The following HECA variants were observed in gnomAD, a reference collection of about 807,000 sequenced individuals.
HECA encodes the protein headcase protein homolog.
HECA carries 13 observed loss-of-function variants against 37.6 expected under a neutral mutation model. The observed-to-expected ratio is 0.35, with a 90% CI of 0.23 to 0.55. The LOEUF is 0.55. Ranked by LOEUF, HECA falls within the 20% of genes least tolerant of loss-of-function variation. The pLI, the probability that HECA is intolerant of heterozygous loss-of-function variation, is 0.90. For missense variants in HECA, 527 were observed against 701.9 expected (o/e 0.75, Z 2.82); for synonymous variants, 307 against 291.5 (o/e 1.05, Z -0.54).
In HECA at chr6:139,177,203, A is replaced by G; in HGVS notation, c.*98A>G. On this transcript the variant is annotated 3_prime_UTR_variant, in exon 4 of 4. Coordinates refer to ENST00000367658, the MANE Select transcript of HECA (RefSeq NM_016217.3). The surrounding 1 kb of genome is among the most constrained non-coding windows in gnomAD (Gnocchi z 4.9). ...TTCTGTGACATTAATTTCCTTTCTA[A>G]TTTAAAGGAGAGTTACTTTGTTGTA... 3.1e-6 allele frequency: 2 copies of G among 647,008 alleles called. No homozygotes were observed. Among genetic ancestry groups the G allele is most frequent in the South Asian group, 4.2e-5 (2 of 47,122 alleles). The allele number at this position is 647,008 out of a possible 1,614,324, so 40.1% of individuals were successfully genotyped here. A position where few individuals can be genotyped will look rare whatever the true frequency, so the allele number is the denominator to read the frequency against.
At chr6:139,136,847 G>A (rs1774454113) in intron 1 of HECA, among the ~76,000 whole-genome samples, 1 of 152,024 alleles carries the variant, frequency 6.6e-6, no homozygotes, top group Non-Finnish European at 1.5e-5. Flanking sequence ...TATTGGTCAG[G>A]CTGGTCTCGA....
chr6:139,166,497 AC>A lies in HECA; in HGVS notation c.486del (p.Asn162LysfsTer24). On this transcript the variant is annotated frameshift_variant, in exon 2 of 4. Coordinates refer to ENST00000367658, the MANE Select transcript of HECA (RefSeq NM_016217.3). LOFTEE classifies it high-confidence loss of function. ...TGGAACGAGAAGCAATGCCGCCAGAACATGTGGACAAAGAAGGGCTACGACC... is the reference window on the plus strand; with the variant it reads ...TGGAACGAGAAGCAATGCCGCCAGAAATGTGGACAAAGAAGGGCTACGACC... ...RSWNEKQCRQ[N>X]MWTKKGYDLA... 6.2e-7 allele frequency: 1 copy of A among 1,614,182 alleles called. No individual in the cohort carries two copies. The highest frequency in any genetic ancestry group is 8.5e-7 in the Non-Finnish European group (1 of 1,180,002).
chr6:139,178,501 T>TC lies in HECA; in HGVS notation c.*1396_*1397insC, dbSNP rs1219590465. 6.8e-6 allele frequency: 1 copy of TC among 146,486 alleles called. No homozygotes were observed. Among genetic ancestry groups the TC allele is most frequent in the East Asian group, 1.9e-4 (1 of 5,164 alleles). 9.1% of individuals were successfully genotyped at this position (146,486 alleles called of 1,614,324 possible). On this transcript the variant is annotated 3_prime_UTR_variant, in exon 4 of 4. Coordinates refer to ENST00000367658, the MANE Select transcript of HECA (RefSeq NM_016217.3). ...TATGTTACTCATTTGGTTTATACTT[T>TC]TTTTTTTTTTTTTTTAACTGTGTGG... is the stretch of plus-strand genomic sequence containing the variant.
At position 139,141,061 on chromosome 6, in the gene HECA, A is replaced by T. The variant is rs532745757; in HGVS notation, c.271+5394A>T. Among the ~76,000 whole-genome samples the T allele has an allele frequency of 2.0e-5, 3 of 152,290 alleles. No homozygotes were observed. The South Asian group carries it at 6.2e-4, about 32-fold the overall frequency. On this transcript the variant is annotated intron_variant, in intron 1 of 3. Transcript: ENST00000367658. ...CACCTCGGCCTCCCAAAGTGCTGAG[A>T]TTACAGGCGTGAGCCAGCGCGCCCG...
At chr6:139,143,567 A>G (rs1327558247) in intron 1 of HECA, among the ~76,000 whole-genome samples, 3 of 152,174 alleles carry the variant, frequency 2.0e-5, no homozygotes, top group African/African-American at 4.8e-5. Flanking sequence ...TCTTCCTTAT[A>G]TAGAAATAAA....
rs1177565584 is a variant in HECA, at chr6:139,171,431, T to G, written c.1313-2954T>G. On this transcript the variant is annotated intron_variant, in intron 2 of 3. Transcript: ENST00000367658. ...AGATACTGAGAAGTTGAACGTTTGA[T>G]GTAAAACCTGAAGATCAGGGTGTTT... 2.6e-5 allele frequency among the ~76,000 whole-genome samples: 4 copies of G among 152,204 alleles called. No individual in the cohort carries two copies. The East Asian group carries it at 7.7e-4, about 29-fold the overall frequency.
At position 139,176,357 on chromosome 6, in the gene HECA, T is replaced by A. The variant is rs140562131; in HGVS notation, c.1468-584T>A. Among the ~76,000 whole-genome samples, 2 of 152,326 alleles carry A rather than the reference T, an allele frequency of 1.3e-5. No individual in the cohort carries two copies. The highest frequency in any genetic ancestry group is 3.9e-4 in the East Asian group (2 of 5,184). The stretch of plus-strand genomic sequence containing the variant: ...TTTTAAAATGAGTCTAAATTGAGTC[T>A]GTTTTATTTATAATTTGTGGTTATT... On this transcript the variant is annotated intron_variant, in intron 3 of 3. Transcript: ENST00000367658. This position sits in a 1 kb window ranked among gnomAD's most constrained non-coding sequence, Gnocchi z 4.5.
chr6:139,170,253 G>A (rs1443287557), intron 2 of HECA: 2 of 152,190 alleles, frequency 1.3e-5, no homozygotes, highest in African/African-American at 4.8e-5. Context: ...TTATTGTCAT[G>A]TAATCCATTC....
chr6:139,169,695 C>T (rs1031337442), intron 2 of HECA: 2 of 152,194 alleles, frequency 1.3e-5, no homozygotes, highest in Non-Finnish European at 2.9e-5. Flanking sequence ...AGTCTTTCAT[C>T]TTCCAGTAGG....
intron 1 of HECA, among the ~76,000 whole-genome samples, chr6:139,149,747 T>G (rs1774629861): frequency 6.6e-6 from 1 of 152,216 alleles, no homozygotes; most frequent in Admixed American, 6.5e-5. Flanking sequence ...GTTTTTTGAA[T>G]GAGACCTTCT....
chr6:139,168,425 G>GT (rs11428839), intron 2 of HECA, among the ~76,000 whole-genome samples: 13,330 of 138,144 alleles, frequency 0.096, 884 homozygotes, highest in Admixed American at 0.19. Flanking sequence ...GATTTGCATA[G>GT]TTTTTTTTTT....
At chr6:139,136,323 T>C (rs1442741083) in intron 1 of HECA, among the ~76,000 whole-genome samples, 1 of 151,378 alleles carries the variant, frequency 6.6e-6, no homozygotes, top group Non-Finnish European at 1.5e-5. Context: ...TCTATGTCAT[T>C]GTGCTTAACA....
Position 139,135,440 on chromosome 6 carries a change from G to T in HECA, c.44G>T (p.Arg15Leu). 7.3e-7 allele frequency: 1 copy of T among 1,373,704 alleles called. No homozygotes were observed. The highest frequency in any genetic ancestry group is 9.6e-7 in the Non-Finnish European group (1 of 1,041,998). 85.1% of individuals were successfully genotyped at this position (1,373,704 alleles called of 1,614,324 possible). A position where few individuals can be genotyped will look rare whatever the true frequency, so the allele number is the denominator to read the frequency against. The change falls in exon 1 of 4, where the codon CGC becomes CTC. Residue 15 changes from arginine to leucine, a missense_variant. Arg to Leu is a moderately radical substitution (Grantham distance 102, BLOSUM62 -2). This residue lies in a region of HECA where 172 missense variants were observed against 197.6 expected (regional missense o/e 0.87). Transcript: ENST00000367658. ...AGCAAAGGCGGCCGCAAAAACAAGC[G>T]CGCCAACAGCAGCGGCGACGAGCAG... ...KNSKGGRKNK[R>L]ANSSGDEQEN...
At chr6:139,146,242 A>G (rs926469311) in intron 1 of HECA, among the ~76,000 whole-genome samples, 1 of 152,340 alleles carries the variant, frequency 6.6e-6, no homozygotes, top group East Asian at 1.9e-4. Context: ...TAAGGTATCA[A>G]ATTGCTCCGG....
At position 139,167,100 on chromosome 6, in the gene HECA, C is replaced by T. The variant is rs540500580; in HGVS notation, c.1088C>T (p.Thr363Ile). ...LTHIPRHKLN[T>I]FHVRMEDDAQ... ...CACATCCCCAGGCATAAGCTGAACA[C>T]TTTCCACGTGCGCATGGAAGACGAT... Residue 363 changes from threonine (T) to isoleucine (I), a missense_variant, in exon 2 of 4, where the codon ACT becomes ATT. Physicochemically the swap from Thr to Ile is moderately conservative, Grantham distance 89 (BLOSUM62 -1). Coordinates refer to ENST00000367658, the MANE Select transcript of HECA (RefSeq NM_016217.3). 1 of 1,614,222 alleles carries T rather than the reference C, an allele frequency of 6.2e-7. No individual in the cohort carries two copies. The highest frequency in any genetic ancestry group is 1.1e-5 in the South Asian group (1 of 91,092).
At position 139,177,455 on chromosome 6, in the gene HECA, TACTAAAA is replaced by T. The variant is rs1389863581; in HGVS notation, c.*351_*357del. ...TTGATAGGAGTTGGAAGGAAACTCT[TACTAAAA>T]TGTTAACTTTCTAAAAACCTTCTTT... On this transcript the variant is annotated 3_prime_UTR_variant, in exon 4 of 4. Coordinates refer to ENST00000367658, the MANE Select transcript of HECA (RefSeq NM_016217.3). The surrounding 1 kb of genome is among the most constrained non-coding windows in gnomAD (Gnocchi z 4.9). The T allele has an allele frequency of 1.8e-5, 3 of 167,210 alleles. No individual in the cohort carries two copies. The highest frequency in any genetic ancestry group is 7.2e-5 in the African/African-American group (3 of 41,952). 10.4% of individuals were successfully genotyped at this position (167,210 alleles called of 1,614,324 possible).
At chr6:139,149,458 T>C (rs1222265225) in intron 1 of HECA, among the ~76,000 whole-genome samples, 2 of 152,204 alleles carry the variant, frequency 1.3e-5, no homozygotes, top group South Asian at 4.1e-4. Flanking sequence ...TTTAGTTTTT[T>C]CTAGGTGAGT....
intron 1 of HECA, among the ~76,000 whole-genome samples, chr6:139,146,968 C>T (rs149587595): frequency 5.3e-5 from 8 of 152,290 alleles, no homozygotes; most frequent in East Asian, 1.9e-4. Context: ...GTAGAACTTA[C>T]GGAAAGGAGA....
intron 2 of HECA, among the ~76,000 whole-genome samples, chr6:139,172,352 C>A (rs1774986110): frequency 6.6e-6 from 1 of 152,226 alleles, no homozygotes; most frequent in South Asian, 2.1e-4. Context: ...GGCTGACATG[C>A]TGCTGCAGTA....
Sources: gnomAD v4.1 joint callset for allele counts (sites outside exome capture counted in the v4.1 genomes callset) on GRCh38, gnomAD v4.1.1 for gene constraint, gnomAD v4.1.1 regional missense constraint, Gnocchi (gnomAD v3.1) non-coding constraint, MANE v1.5 for transcripts, NCBI Gene and HGNC (gene_info 2026-07-23, HGNC 2026-07-21) for gene names.